Variants in GABRB1 observed in about 807,000 individuals in gnomAD.
GABRB1 encodes gamma-aminobutyric acid type A receptor subunit beta1.
A neutral mutation model predicts 51.6 loss-of-function variants in GABRB1; 17 were observed. The ratio of observed to expected loss-of-function variants is 0.33; its 90% CI spans 0.23 to 0.49. GABRB1 has a LOEUF of 0.49. Among genes scored for constraint, GABRB1 ranks in the 20% least tolerant of loss-of-function variants. GABRB1 has a pLI of 0.99. For missense variants in GABRB1, 410 were observed against 600.6 expected, an observed-to-expected ratio of 0.68 and a Z score of 3.32; for synonymous variants, 247 against 218.9, an observed-to-expected ratio of 1.13 and a Z score of -1.14.
chr4:47,304,977 G>A (rs1306879762), intron 4 of GABRB1, among the ~76,000 whole-genome samples: 1 of 152,070 alleles, frequency 6.6e-6, no homozygotes, highest in East Asian at 1.9e-4. Flanking sequence ...CTCAGACATA[G>A]ATTAATCACT....
chr4:47,296,255 A>G (rs1723988422), intron 4 of GABRB1, among the ~76,000 whole-genome samples: 1 of 152,156 alleles, frequency 6.6e-6, no homozygotes, highest in Admixed American at 6.5e-5. Context: ...TTCACACATA[A>G]CAATATTAAC....
intron 5 of GABRB1, among the ~76,000 whole-genome samples, chr4:47,326,458 T>C (rs1323303109): frequency 2.6e-5 from 4 of 152,232 alleles, no homozygotes; most frequent in Non-Finnish European, 5.9e-5. Flanking sequence ...TTCTATTTCA[T>C]TATTAATTAT....
intron 4 of GABRB1, among the ~76,000 whole-genome samples, chr4:47,280,855 A>C (rs1723267820): frequency 1.4e-5 from 2 of 144,278 alleles, no homozygotes; most frequent in East Asian, 4.0e-4. Context: ...GAGTCTTGCT[A>C]AATTGCCAGG....
chr4:47,135,070 T>G (rs1716584023), intron 3 of GABRB1, among the ~76,000 whole-genome samples: 1 of 152,274 alleles, frequency 6.6e-6, no homozygotes, highest in Non-Finnish European at 1.5e-5. Context: ...CAGTGAGCTA[T>G]GATCACACCA....
intron 4 of GABRB1, among the ~76,000 whole-genome samples, chr4:47,311,237 T>TCCAACAACAACA (rs71654867): frequency 7.0e-6 from 1 of 142,450 alleles, no homozygotes; most frequent in Non-Finnish European, 1.5e-5. Context: ...CTACTAAAAA[T>TCCAACAACAACA]ACAACAACAA....
intron 4 of GABRB1, among the ~76,000 whole-genome samples, chr4:47,290,560 C>G (rs570254424): frequency 2.6e-5 from 4 of 152,110 alleles, no homozygotes; most frequent in East Asian, 1.9e-4. Context: ...CAGAAGAAGA[C>G]AGAAAAATGT....
intron 8 of GABRB1, among the ~76,000 whole-genome samples, chr4:47,425,377 C>CCA (rs34275303): frequency 0.39 from 53,611 of 138,014 alleles, 10,398 homozygotes; most frequent in Admixed American, 0.46. Flanking sequence ...AGAAGAAATA[C>CCA]CACACACACA....
At chr4:47,011,549 G>C (rs1392900142) in intron 1 of GABRB1, among the ~76,000 whole-genome samples, 1 of 152,106 alleles carries the variant, frequency 6.6e-6, no homozygotes, top group African/African-American at 2.4e-5. Context: ...AGACTCTGAG[G>C]CCAAGCTGCT....
intron 4 of GABRB1, among the ~76,000 whole-genome samples, chr4:47,245,555 G>A (rs748352602): frequency 2.6e-5 from 4 of 152,080 alleles, no homozygotes; most frequent in Non-Finnish European, 5.9e-5. Flanking sequence ...GAAGGTGAGT[G>A]CCTGCTTCTC....
intron 4 of GABRB1, among the ~76,000 whole-genome samples, chr4:47,270,392 C>A (rs1020786849): frequency 6.6e-6 from 1 of 152,106 alleles, no homozygotes; most frequent in Non-Finnish European, 1.5e-5. Context: ...CCTGCAGGAG[C>A]CTTTCAGAGC....
At chr4:47,344,088 T>C (rs1259450490) in intron 5 of GABRB1, among the ~76,000 whole-genome samples, 1 of 152,182 alleles carries the variant, frequency 6.6e-6, no homozygotes, top group Non-Finnish European at 1.5e-5. Flanking sequence ...AGAATAATCA[T>C]GGAATTTGAA....
At chr4:47,300,041 G>A (rs1228710732) in intron 4 of GABRB1, among the ~76,000 whole-genome samples, 4 of 139,170 alleles carry the variant, frequency 2.9e-5, no homozygotes, top group Admixed American at 1.6e-4. Flanking sequence ...ATTGAACAAT[G>A]AGAACACATG....
chr4:47,113,686 T>A (rs1715337751), intron 3 of GABRB1, among the ~76,000 whole-genome samples: 1 of 152,346 alleles, frequency 6.6e-6, no homozygotes, highest in East Asian at 1.9e-4. Context: ...CCTTAATTAG[T>A]ATCATTACTC....
chr4:47,036,420 C>T lies in GABRB1; in HGVS notation c.240+3936C>T, dbSNP rs113224470. On this transcript the variant is annotated intron_variant, in intron 3 of 8. Transcript: ENST00000295454. ...CTCAATCTTTAACATATAGGTGAAT[C>T]ACTCTGGGATCTTATTAAAATGCAA... 5.9e-3 allele frequency among the ~76,000 whole-genome samples: 895 copies of T among 152,252 alleles called. 11 individuals carry two copies. Among genetic ancestry groups the T allele is most frequent in the African/African-American group, 0.019 (777 of 41,528 alleles).
At chr4:47,005,308 C>T (rs1333110945) in intron 1 of GABRB1, among the ~76,000 whole-genome samples, 2 of 152,154 alleles carry the variant, frequency 1.3e-5, no homozygotes, top group African/African-American at 2.4e-5. Context: ...GTCCCAGCTA[C>T]TCGGGAGGCT....
chr4:47,168,058 G>A (rs1377477705), intron 4 of GABRB1, among the ~76,000 whole-genome samples: 1 of 152,134 alleles, frequency 6.6e-6, no homozygotes, highest in Non-Finnish European at 1.5e-5. Context: ...TGCATACATT[G>A]TAAGTATATA....
At chr4:47,403,277 T>G (rs776407721) in intron 5 of GABRB1, 41 bp from the exon 6 acceptor site, 2 of 1,605,008 alleles carry the variant, frequency 1.2e-6, no homozygotes, top group Non-Finnish European at 1.7e-6. Context: ...CAAAATGATT[T>G]CCTAAACTTT....
chr4:47,045,884 C>T lies in GABRB1; in HGVS notation c.240+13400C>T, dbSNP rs139001141. ...ATTTATTCAACATTTACACTGTAAC[C>T]AGGCACTGTTATGAGAGCTTAATAT... is the stretch of plus-strand genomic sequence containing the variant. On this transcript the variant is annotated intron_variant, in intron 3 of 8. Transcript: ENST00000295454. Among the ~76,000 whole-genome samples, 20 of 152,118 alleles carry T rather than the reference C, an allele frequency of 1.3e-4. No homozygotes were observed. The East Asian group carries it at 3.9e-3, about 29-fold the overall frequency.
chr4:47,414,349 G>A (rs946658847), intron 8 of GABRB1, among the ~76,000 whole-genome samples: 2 of 152,176 alleles, frequency 1.3e-5, no homozygotes, highest in Admixed American at 6.5e-5. Context: ...ACATATGTAA[G>A]ATGAACATTG....
Sources: gnomAD v4.1 joint callset for allele counts (sites outside exome capture counted in the v4.1 genomes callset) on GRCh38, gnomAD v4.1.1 for gene constraint, MANE v1.5 for transcripts, NCBI Gene and HGNC (gene_info 2026-07-23, HGNC 2026-07-21) for gene names.